KSR2: variants seen among roughly 807,000 people sequenced by gnomAD.
KSR2 encodes the protein kinase suppressor of ras 2.
In KSR2, 25 loss-of-function variants were observed where a neutral mutation model predicts 107.8. That is an observed-to-expected ratio of 0.23 (90% CI 0.17 to 0.32). KSR2 has a LOEUF of 0.32. KSR2 is among the 10% of genes least tolerant of loss of function. KSR2 has a pLI of 1.00. For missense variants in KSR2, 887 were observed against 1,268.9 expected (o/e 0.70, Z 4.57); for synonymous variants, 480 against 507.0 (o/e 0.95, Z 0.71).
intron 14 of KSR2, among the ~76,000 whole-genome samples, chr12:117,491,013 A>G (rs1872716461): frequency 6.6e-6 from 1 of 152,074 alleles, no homozygotes; most frequent in Non-Finnish European, 1.5e-5. Context: ...TGTTCAATAG[A>G]TCTCTTGAAC....
intron 4 of KSR2, among the ~76,000 whole-genome samples, chr12:117,712,975 T>C (rs1056275912): frequency 1.3e-5 from 2 of 151,244 alleles, no homozygotes; most frequent in Non-Finnish European, 2.9e-5. Flanking sequence ...TTTAAGTAGA[T>C]ATAGATAGAT....
intron 5 of KSR2, among the ~76,000 whole-genome samples, chr12:117,610,868 A>C (rs1881559210): frequency 6.6e-6 from 1 of 152,158 alleles, no homozygotes. Flanking sequence ...ATAAAGAGAG[A>C]GAAAAACCCT....
intron 3 of KSR2, among the ~76,000 whole-genome samples, chr12:117,770,054 CAA>C (rs57470150): frequency 7.3e-6 from 1 of 137,782 alleles, no homozygotes; most frequent in Non-Finnish European, 1.6e-5. Flanking sequence ...AACTCCATCT[CAA>C]AAAAAAAAAA....
chr12:117,723,793 T>C (rs1887303877), intron 4 of KSR2, among the ~76,000 whole-genome samples: 2 of 152,286 alleles, frequency 1.3e-5, no homozygotes, highest in Admixed American at 6.5e-5. Flanking sequence ...TCTTCAACCA[T>C]TTCATAATAT....
intron 1 of KSR2, among the ~76,000 whole-genome samples, chr12:117,953,005 A>T (rs930835879): frequency 2.0e-5 from 3 of 150,338 alleles, no homozygotes; most frequent in Non-Finnish European, 4.4e-5. Flanking sequence ...AAAAAAAAAA[A>T]TTTTAAAGGC....
chr12:117,537,434 GC>G (rs1876130929), intron 10 of KSR2, among the ~76,000 whole-genome samples: 1 of 152,154 alleles, frequency 6.6e-6, no homozygotes, highest in Non-Finnish European at 1.5e-5. Flanking sequence ...AATCCAAGGA[GC>G]CCAGATTTGT....
intron 14 of KSR2, among the ~76,000 whole-genome samples, chr12:117,510,131 T>C (rs1873936343): frequency 1.3e-5 from 2 of 152,232 alleles, no homozygotes; most frequent in Admixed American, 1.3e-4. Context: ...GGTGCTTATG[T>C]ATACTTGCTT....
At chr12:117,628,726 C>T (rs1338549803) in intron 5 of KSR2, among the ~76,000 whole-genome samples, 1 of 152,242 alleles carries the variant, frequency 6.6e-6, no homozygotes, top group Non-Finnish European at 1.5e-5. Context: ...AGAACCACCG[C>T]TCTCTTCAGA....
intron 4 of KSR2, among the ~76,000 whole-genome samples, chr12:117,739,937 CT>C (rs1593187539): frequency 6.7e-6 from 1 of 148,548 alleles, no homozygotes; most frequent in African/African-American, 2.5e-5. Context: ...TTTTAAATTT[CT>C]TATTTCCATA....
intron 3 of KSR2, among the ~76,000 whole-genome samples, chr12:117,778,949 C>T (rs1889788571): frequency 6.6e-6 from 1 of 152,154 alleles, no homozygotes; most frequent in African/African-American, 2.4e-5. Context: ...CTGCAAGGTG[C>T]CCTATTTTTA....
At chr12:117,877,041 T>G (rs1380126822) in intron 1 of KSR2, among the ~76,000 whole-genome samples, 1 of 152,222 alleles carries the variant, frequency 6.6e-6, no homozygotes, top group African/African-American at 2.4e-5. Context: ...AGTTTTTATG[T>G]GTGGAATTTT....
At chr12:117,793,887 TGCA>T (rs1272578464) in intron 3 of KSR2, among the ~76,000 whole-genome samples, 1 of 114,886 alleles carries the variant, frequency 8.7e-6, no homozygotes, top group Non-Finnish European at 1.7e-5. Flanking sequence ...ACATACAACA[TGCA>T]CACACCAACA....
At chr12:117,510,367 C>T (rs1354695844) in intron 14 of KSR2, among the ~76,000 whole-genome samples, 1 of 152,126 alleles carries the variant, frequency 6.6e-6, no homozygotes. Context: ...TAGAGAAATG[C>T]ACACAGTTAC....
chr12:117,922,726 C>A (rs536965438), intron 1 of KSR2, among the ~76,000 whole-genome samples: 1 of 152,318 alleles, frequency 6.6e-6, no homozygotes, highest in African/African-American at 2.4e-5. Context: ...CTTGGGGATT[C>A]ACTCATCCAT....
chr12:117,795,989 T>C (rs1282627353), intron 3 of KSR2, among the ~76,000 whole-genome samples: 2 of 152,234 alleles, frequency 1.3e-5, no homozygotes, highest in East Asian at 1.9e-4. Flanking sequence ...TGCAGTGGTA[T>C]GAACACAGCT....
At chr12:117,680,373 G>A (rs1885317024) in intron 4 of KSR2, among the ~76,000 whole-genome samples, 1 of 152,182 alleles carries the variant, frequency 6.6e-6, no homozygotes, top group Non-Finnish European at 1.5e-5. Context: ...TGATTTAAAT[G>A]CTCAAAAGCT....
At chr12:117,544,618 C>CA (rs560933272) in intron 9 of KSR2, among the ~76,000 whole-genome samples, 3,812 of 124,196 alleles carry the variant, frequency 0.031, 62 homozygotes, top group Non-Finnish European at 0.042. Context: ...GACTCTGTCT[C>CA]AAAAAAAAAA....
intron 14 of KSR2, among the ~76,000 whole-genome samples, chr12:117,490,189 C>T (rs561241725): frequency 2.0e-4 from 31 of 152,268 alleles, no homozygotes; most frequent in African/African-American, 7.0e-4. Flanking sequence ...TGTGTGGGTG[C>T]CCAGTTATCA....
intron 7 of KSR2, among the ~76,000 whole-genome samples, chr12:117,567,854 G>A (rs896780327): frequency 2.7e-5 from 4 of 148,930 alleles, no homozygotes; most frequent in African/African-American, 1.0e-4. Context: ...CAGGTTCACT[G>A]CATACCAACT....
Sources: gnomAD v4.1 joint callset for allele counts (sites outside exome capture counted in the v4.1 genomes callset) on GRCh38, gnomAD v4.1.1 for gene constraint, MANE v1.5 for transcripts, NCBI Gene and HGNC (gene_info 2026-07-23, HGNC 2026-07-21) for gene names.